PDZRN4: variants seen among roughly 807,000 people sequenced by gnomAD.
PDZRN4 encodes the protein PDZ domain-containing RING finger protein 4.
PDZRN4 carries 70 observed loss-of-function variants against 99.0 expected under a neutral mutation model. The ratio of observed to expected loss-of-function variants is 0.71; its 90% CI spans 0.58 to 0.86. The LOEUF (loss-of-function observed/expected upper bound fraction) is 0.86. PDZRN4 is among the 40% of genes least tolerant of loss of function. The pLI is 0.00. For synonymous variants in PDZRN4, 551 were observed against 501.6 expected, an observed-to-expected ratio of 1.10 and a Z score of -1.32; for missense variants, 1,474 against 1,331.2, an observed-to-expected ratio of 1.11 and a Z score of -1.67.
At chr12:41,467,918 CT>C (rs1952944475) in intron 3 of PDZRN4, among the ~76,000 whole-genome samples, 1 of 152,216 alleles carries the variant, frequency 6.6e-6, no homozygotes, top group Admixed American at 6.5e-5. Context: ...TCTTTTCCCC[CT>C]GTAAATTACT....
intron 3 of PDZRN4, among the ~76,000 whole-genome samples, chr12:41,484,589 G>C (rs867775683): frequency 2.0e-5 from 3 of 152,162 alleles, no homozygotes; most frequent in Non-Finnish European, 4.4e-5. Flanking sequence ...CTTGTGAATA[G>C]TACGTGCTTT....
At chr12:41,507,706 A>G (rs1478312890) in intron 4 of PDZRN4, among the ~76,000 whole-genome samples, 2 of 152,148 alleles carry the variant, frequency 1.3e-5, no homozygotes, top group African/African-American at 2.4e-5. Context: ...CTCCCTAGGC[A>G]ATCCTAATGT....
At chr12:41,527,858 CTG>C (rs1377314976) in intron 5 of PDZRN4, among the ~76,000 whole-genome samples, 4 of 152,186 alleles carry the variant, frequency 2.6e-5, no homozygotes, top group African/African-American at 9.6e-5. Context: ...CTGTCTCACT[CTG>C]AGGTTTTTCT....
At chr12:41,294,531 A>C (rs915946051) in intron 3 of PDZRN4, among the ~76,000 whole-genome samples, 1 of 152,202 alleles carries the variant, frequency 6.6e-6, no homozygotes, top group Non-Finnish European at 1.5e-5. Flanking sequence ...GAATTCATTC[A>C]TTTTAAATAT....
intron 5 of PDZRN4, among the ~76,000 whole-genome samples, chr12:41,518,810 A>G (rs1039539888): frequency 3.9e-5 from 6 of 152,020 alleles, no homozygotes; most frequent in African/African-American, 1.4e-4. Flanking sequence ...TTAACTGGGC[A>G]TGGTGGCATG....
chr12:41,445,745 G>A (rs1952721269), intron 3 of PDZRN4, among the ~76,000 whole-genome samples: 1 of 151,870 alleles, frequency 6.6e-6, no homozygotes, highest in African/African-American at 2.4e-5. Flanking sequence ...TCCAGGCACT[G>A]TTTTCTCTCA....
chr12:41,442,116 T>C (rs897973), intron 3 of PDZRN4, among the ~76,000 whole-genome samples: 78,550 of 151,946 alleles, frequency 0.52, 20,933 homozygotes, highest in African/African-American at 0.66. Flanking sequence ...CCCTCTTGAG[T>C]GGCTTCTAGG....
chr12:41,415,897 T>C (rs189401256), intron 3 of PDZRN4, among the ~76,000 whole-genome samples: 49 of 152,332 alleles, frequency 3.2e-4, no homozygotes, highest in Non-Finnish European at 4.1e-4. Context: ...TGTCTTATTT[T>C]CATGCTTGTG....
rs12228172 is a variant in PDZRN4 at position 41,391,774 on chromosome 12, G to T, written c.844-114682G>T. Among the ~76,000 whole-genome samples, 576 of 152,128 alleles carry T rather than the reference G, an allele frequency of 3.8e-3. 18 individuals are homozygous for T. The East Asian group carries it at 0.091, about 24-fold the overall frequency. Reference sequence around the variant, plus strand: ...GTTCATTGAAAAATCTTTACTAACTGAATAGCCTTCTCTCTGGTGTGAGAA... The same window carrying T: ...GTTCATTGAAAAATCTTTACTAACTTAATAGCCTTCTCTCTGGTGTGAGAA... On this transcript the variant is annotated intron_variant, in intron 3 of 9. Coordinates refer to ENST00000402685, the MANE Select transcript of PDZRN4 (RefSeq NM_001164595.2).
chr12:41,555,721 C>T lies in PDZRN4; in HGVS notation c.1326C>T (p.Ala442=). ...AGGTTGACCCAAATAGCATTGCTGC[C>T]AAAGACGGCCGGATTCGAGAAGGGG... ...VSEVDPNSIA[A]KDGRIREGDR... is the part of the protein sequence containing the mutation. Residue 442 remains alanine (A), a synonymous_variant, in exon 7 of 10, where the codon GCC becomes GCT. Coordinates refer to ENST00000402685, the MANE Select transcript of PDZRN4 (RefSeq NM_001164595.2). The T allele has an allele frequency of 6.2e-7, 1 of 1,613,916 alleles. No individual in the cohort carries two copies. The highest frequency in any genetic ancestry group is 1.1e-5 in the South Asian group (1 of 91,070).
intron 3 of PDZRN4, among the ~76,000 whole-genome samples, chr12:41,390,250 T>C (rs890168356): frequency 6.6e-6 from 1 of 152,176 alleles, no homozygotes; most frequent in Non-Finnish European, 1.5e-5. Context: ...TAGGGTGTTA[T>C]TTATAAACAC....
intron 5 of PDZRN4, among the ~76,000 whole-genome samples, chr12:41,519,613 T>G (rs1158395966): frequency 1.3e-5 from 2 of 152,050 alleles, no homozygotes; most frequent in African/African-American, 4.8e-5. Context: ...TTTTTTTTAT[T>G]GCTTCTACCA....
intron 3 of PDZRN4, among the ~76,000 whole-genome samples, chr12:41,261,428 G>T (rs1457540726): frequency 1.3e-5 from 2 of 152,144 alleles, no homozygotes; most frequent in Non-Finnish European, 2.9e-5. Flanking sequence ...TCAAGATTTA[G>T]CAATTAAAGA....
intron 5 of PDZRN4, among the ~76,000 whole-genome samples, chr12:41,514,041 G>C (rs1438348315): frequency 1.3e-5 from 2 of 151,962 alleles, no homozygotes; most frequent in Non-Finnish European, 2.9e-5. Flanking sequence ...TATACAAAAG[G>C]CTGAAATAAG....
At chr12:41,266,688 A>T (rs1951279438) in intron 3 of PDZRN4, among the ~76,000 whole-genome samples, 1 of 152,340 alleles carries the variant, frequency 6.6e-6, no homozygotes, top group African/African-American at 2.4e-5. Flanking sequence ...GTCCACTCAT[A>T]ATCTTAGACT....
chr12:41,529,098 G>A (rs922706044), intron 5 of PDZRN4, among the ~76,000 whole-genome samples: 2 of 152,140 alleles, frequency 1.3e-5, no homozygotes, highest in African/African-American at 2.4e-5. Context: ...ATTTTAGCCA[G>A]GAGCATTCAG....
rs934090436 is a variant in PDZRN4, at chr12:41,239,618, G to T, written c.843+45430G>T. Among the ~76,000 whole-genome samples the T allele has an allele frequency of 5.9e-5, 9 of 152,164 alleles. No individual in the cohort carries two copies. The South Asian group carries it at 1.2e-3, about 21-fold the overall frequency. ...ATTAGCTGAGTACTACCAGGTAAAAGGTGCCATATGCTATTGGGGGTAAGA... is the reference window on the plus strand; with the variant it reads ...ATTAGCTGAGTACTACCAGGTAAAATGTGCCATATGCTATTGGGGGTAAGA... On this transcript the variant is annotated intron_variant, in intron 3 of 9. Transcript: ENST00000402685.
At chr12:41,284,659 T>G (rs1230745442) in intron 3 of PDZRN4, among the ~76,000 whole-genome samples, 1 of 152,070 alleles carries the variant, frequency 6.6e-6, no homozygotes, top group Middle Eastern at 3.4e-3. Flanking sequence ...CCAAAACAGA[T>G]ATATAGACCA....
At chr12:41,565,684 A>G (rs1939357146) in intron 8 of PDZRN4, among the ~76,000 whole-genome samples, 1 of 152,038 alleles carries the variant, frequency 6.6e-6, no homozygotes, top group Non-Finnish European at 1.5e-5. Context: ...AATATTTTTA[A>G]ATAACTCATT....
Sources: allele counts gnomAD v4.1 joint callset (sites outside exome capture counted in the v4.1 genomes callset), GRCh38; gene constraint gnomAD v4.1.1; transcripts MANE v1.5; gene names NCBI Gene and HGNC (gene_info 2026-07-23, HGNC 2026-07-21).